MGAT4C: variants seen among roughly 807,000 people sequenced by gnomAD.
MGAT4C encodes the protein MGAT4 family member C.
Under a neutral mutation model 40.1 loss-of-function variants are expected in MGAT4C, and 19 were observed. That is an observed-to-expected ratio of 0.47 (90% CI 0.33 to 0.70). The LOEUF (loss-of-function observed/expected upper bound fraction) is 0.70, where lower values mean the gene tolerates loss of function less well. Ranked by LOEUF, MGAT4C falls within the 30% of genes least tolerant of loss-of-function variation. The pLI, the probability that MGAT4C is intolerant of heterozygous loss-of-function variation, is 0.02. For missense variants in MGAT4C, 491 were observed against 563.2 expected (o/e 0.87, Z 1.30); for synonymous variants, 181 against 187.1 (o/e 0.97, Z 0.27).
rs113270515 is a variant in MGAT4C, at chr12:86,072,617, G to A, written c.-56-22894C>T. Among the ~76,000 whole-genome samples the A allele has an allele frequency of 6.0e-3, 911 of 152,168 alleles. 4 individuals are homozygous for A. Among genetic ancestry groups the A allele is most frequent in the Middle Eastern group, 0.02 (6 of 294 alleles). On this transcript the variant is annotated intron_variant, in intron 1 of 4. Coordinates refer to ENST00000611864, the MANE Select transcript of MGAT4C (RefSeq NM_001351288.2). Reference sequence around the variant, plus strand: ...CAAAGGATAGATGAAAGGATCTTTGGATAGATGGATAGATGGATTGATTAG... The same window carrying A: ...CAAAGGATAGATGAAAGGATCTTTGAATAGATGGATAGATGGATTGATTAG...
chr12:86,089,023 C>A (rs1872413953), intron 1 of MGAT4C, among the ~76,000 whole-genome samples: 1 of 151,956 alleles, frequency 6.6e-6, no homozygotes, highest in Non-Finnish European at 1.5e-5. Context: ...CTGATGAATA[C>A]TCTTCTTTAT....
In MGAT4C at chr12:86,631,104, C is replaced by T. The variant is rs148280049; in HGVS notation, c.-229+96105G>A. 1.9e-4 allele frequency among the ~76,000 whole-genome samples: 29 copies of T among 152,210 alleles called. 1 individual carries two copies. The highest frequency in any genetic ancestry group is 3.5e-4 in the Non-Finnish European group (24 of 68,014). On this transcript the variant is annotated intron_variant, in intron 2 of 7. Transcript: ENST00000548651. ...CAAAAATCACAAGCATTCTTATACA[C>T]CAACAACAGACAAACAGAGAGCCAA...
chr12:86,425,087 A>G (rs1277776623), intron 3 of MGAT4C, among the ~76,000 whole-genome samples: 1 of 152,026 alleles, frequency 6.6e-6, no homozygotes, highest in African/African-American at 2.4e-5. Context: ...AGACAGTGAG[A>G]TAAAGTACCT....
intron 1 of MGAT4C, among the ~76,000 whole-genome samples, chr12:86,077,506 T>A (rs1432834959): frequency 6.6e-6 from 1 of 152,210 alleles, no homozygotes; most frequent in Non-Finnish European, 1.5e-5. Flanking sequence ...GAAATACTCA[T>A]GACAATTACA....
At chr12:86,273,966 G>A (rs372157699) in intron 4 of MGAT4C, among the ~76,000 whole-genome samples, 1 of 152,132 alleles carries the variant, frequency 6.6e-6, no homozygotes, top group African/African-American at 2.4e-5. Flanking sequence ...GGCTTAACTG[G>A]TTGACAGTTC....
intron 4 of MGAT4C, among the ~76,000 whole-genome samples, chr12:86,279,685 T>C (rs1197427268): frequency 6.6e-6 from 1 of 151,192 alleles, no homozygotes; most frequent in Non-Finnish European, 1.5e-5. Flanking sequence ...TAATTTTGGG[T>C]TCCATTTGCT....
At chr12:86,618,778 T>C (rs1962543562) in intron 2 of MGAT4C, among the ~76,000 whole-genome samples, 1 of 152,072 alleles carries the variant, frequency 6.6e-6, no homozygotes, top group South Asian at 2.1e-4. Flanking sequence ...AGAGTGACTA[T>C]AGTTGACAAT....
chr12:86,202,496 C>T (rs1056137802), intron 1 of MGAT4C, among the ~76,000 whole-genome samples: 1 of 151,902 alleles, frequency 6.6e-6, no homozygotes, highest in Non-Finnish European at 1.5e-5. Context: ...CAAATATTTT[C>T]TTTAAAATAT....
intron 2 of MGAT4C, chr12:86,011,951 T>C: frequency 1.4e-6 from 1 of 725,986 alleles, no homozygotes; most frequent in African/African-American, 1.9e-5. Flanking sequence ...GAGCAGGAGA[T>C]CTTGGTTCCA....
chr12:86,535,652 C>T (rs958352482), intron 2 of MGAT4C, among the ~76,000 whole-genome samples: 1 of 152,046 alleles, frequency 6.6e-6, no homozygotes, highest in African/African-American at 2.4e-5. Flanking sequence ...TTCAACAGGA[C>T]TTTTAAAAAG....
chr12:86,729,953 C>T (rs1950881751), intron 1 of MGAT4C, among the ~76,000 whole-genome samples: 2 of 151,956 alleles, frequency 1.3e-5, no homozygotes, highest in African/African-American at 4.8e-5. Flanking sequence ...AATCACTTCT[C>T]ATTTTTTTGA....
chr12:86,766,842 C>A (rs912451273), intron 1 of MGAT4C, among the ~76,000 whole-genome samples: 5 of 151,806 alleles, frequency 3.3e-5, no homozygotes, highest in South Asian at 2.1e-4. Flanking sequence ...CACAACATAC[C>A]AGAATCCCTG....
intron 1 of MGAT4C, among the ~76,000 whole-genome samples, chr12:86,781,334 T>G (rs979629102): frequency 2.0e-5 from 3 of 152,062 alleles, no homozygotes; most frequent in Non-Finnish European, 2.9e-5. Flanking sequence ...TTTTTTGACT[T>G]TCGTAATAGC....
intron 2 of MGAT4C, among the ~76,000 whole-genome samples, chr12:86,567,703 G>C (rs1960191756): frequency 6.6e-6 from 1 of 152,172 alleles, no homozygotes; most frequent in Non-Finnish European, 1.5e-5. Context: ...AATACAGAAT[G>C]GGTAGAAGAA....
intron 2 of MGAT4C, among the ~76,000 whole-genome samples, chr12:86,452,193 T>C (rs1957434078): frequency 6.6e-6 from 1 of 151,840 alleles, no homozygotes; most frequent in Non-Finnish European, 1.5e-5. Context: ...ATTCTTTTTT[T>C]TTTCTTTTTT....
chr12:86,698,655 C>T (rs545917970), intron 2 of MGAT4C, among the ~76,000 whole-genome samples: 11 of 151,838 alleles, frequency 7.2e-5, no homozygotes, highest in African/African-American at 2.4e-4. Flanking sequence ...AAACTCATGT[C>T]ATAAGTATGT....
intron 3 of MGAT4C, among the ~76,000 whole-genome samples, chr12:86,351,313 C>A (rs1955156258): frequency 6.6e-6 from 1 of 151,688 alleles, no homozygotes; most frequent in Admixed American, 6.6e-5. Flanking sequence ...ATTTCTGTTA[C>A]AAAAATAAGT....
intron 2 of MGAT4C, among the ~76,000 whole-genome samples, chr12:86,436,590 A>G (rs1206643436): frequency 1.3e-5 from 2 of 151,762 alleles, no homozygotes; most frequent in Admixed American, 1.3e-4. Context: ...TCTCCATTAT[A>G]GTTATATCAT....
intron 2 of MGAT4C, among the ~76,000 whole-genome samples, chr12:86,531,679 T>G (rs899496956): frequency 3.3e-5 from 5 of 152,036 alleles, no homozygotes; most frequent in African/African-American, 1.2e-4. Flanking sequence ...TCAAGCCAGA[T>G]GCAATTTATT....
Sources: gnomAD v4.1 joint callset for allele counts (sites outside exome capture counted in the v4.1 genomes callset) on GRCh38, gnomAD v4.1.1 for gene constraint, MANE v1.5 for transcripts, NCBI Gene and HGNC (gene_info 2026-07-23, HGNC 2026-07-21) for gene names.